ABLIM2: variants seen among roughly 807,000 people sequenced by gnomAD.
ABLIM2 encodes the protein actin-binding LIM protein 2.
Under a neutral mutation model 97.7 loss-of-function variants are expected in ABLIM2, and 53 were observed. The ratio of observed to expected loss-of-function variants is 0.54; its 90% CI spans 0.44 to 0.68. ABLIM2 has a LOEUF of 0.68. Ranked by LOEUF, ABLIM2 falls within the 30% of genes least tolerant of loss-of-function variation. The probability of loss-of-function intolerance (pLI) is 0.00; values close to 1 mark genes in which losing one functional copy is unlikely to be tolerated. For synonymous variants in ABLIM2, 361 were observed against 345.8 expected (o/e 1.04, Z -0.49); for missense variants, 835 against 867.2 (o/e 0.96, Z 0.47).
rs1284221070 is a variant in ABLIM2 at position 8,077,627 on chromosome 4, C to T, written c.675+1G>A. On this transcript the variant is annotated splice_donor_variant, in intron 6 of 20. Coordinates refer to ENST00000447017, the MANE Select transcript of ABLIM2 (RefSeq NM_001130083.2). LOFTEE classifies it high-confidence loss of function. The stretch of plus-strand genomic sequence containing the variant: ...GCAGGGGCCCGGCCCGCCGCGCTTA[C>T]CTCCAGCACGCGCCCCGTGATGTAT... The T allele has an allele frequency of 1.2e-6, 2 of 1,608,690 alleles. No homozygotes were observed. The highest frequency in any genetic ancestry group is 1.7e-6 in the Non-Finnish European group (2 of 1,177,362).
At chr4:8,088,958 G>A (rs766900273) in intron 3 of ABLIM2, among the ~76,000 whole-genome samples, 8 of 152,202 alleles carry the variant, frequency 5.3e-5, no homozygotes, top group Non-Finnish European at 1.0e-4. Context: ...GTCTATAAAA[G>A]CACACCTCGT....
intron 1 of ABLIM2, among the ~76,000 whole-genome samples, chr4:8,110,370 G>T (rs111970575): frequency 6.6e-6 from 1 of 152,142 alleles, no homozygotes; most frequent in African/African-American, 2.4e-5. Context: ...GGGTCAGCTG[G>T]CCTGGGATGC....
chr4:8,046,185 G>A lies in ABLIM2; in HGVS notation c.823-944C>T, dbSNP rs1005495670. 2.6e-5 allele frequency among the ~76,000 whole-genome samples: 4 copies of A among 151,960 alleles called. No individual in the cohort carries two copies. Among genetic ancestry groups the A allele is most frequent in the Non-Finnish European group, 1.5e-5 (1 of 67,992 alleles). On this transcript the variant is annotated intron_variant, in intron 8 of 20. Coordinates refer to ENST00000447017, the MANE Select transcript of ABLIM2 (RefSeq NM_001130083.2). This position sits in a 1 kb window ranked among gnomAD's most constrained non-coding sequence, Gnocchi z 4.4. ...CACTCCTCCCTTCCGGACCACACCC[G>A]CTGTGTCCCCTGGGCTGATGGTTTT... is the stretch of plus-strand genomic sequence containing the variant.
chr4:8,083,663 T>C lies in ABLIM2; in HGVS notation c.455-2861A>G, dbSNP rs979566865. 2.0e-5 allele frequency among the ~76,000 whole-genome samples: 3 copies of C among 152,128 alleles called. No individual in the cohort carries two copies. Among genetic ancestry groups the C allele is most frequent in the South Asian group, 2.1e-4 (1 of 4,828 alleles). On this transcript the variant is annotated intron_variant, in intron 4 of 20. Transcript: ENST00000447017. The surrounding 1 kb of genome is among the most constrained non-coding windows in gnomAD (Gnocchi z 4.6). ...TTCTAAACACATCCGGAGCTCCACATTGCTTTGCGGGCTCTGCGCATGGCA... is the reference window on the plus strand; with the variant it reads ...TTCTAAACACATCCGGAGCTCCACACTGCTTTGCGGGCTCTGCGCATGGCA...
At chr4:8,063,313 C>G (rs901011453) in intron 6 of ABLIM2, among the ~76,000 whole-genome samples, 14 of 152,246 alleles carry the variant, frequency 9.2e-5, no homozygotes, top group Non-Finnish European at 1.8e-4. Flanking sequence ...GATCTGCCCC[C>G]CTTGGCTTCC....
At chr4:8,013,446 A>G (rs1188567128) in intron 14 of ABLIM2, among the ~76,000 whole-genome samples, 2 of 151,200 alleles carry the variant, frequency 1.3e-5, no homozygotes, top group Non-Finnish European at 2.9e-5. Context: ...CTGGTCTTGA[A>G]CTCCTGACCT....
rs1014963774 is a variant in ABLIM2 at position 8,023,851 on chromosome 4, T to A, written c.1268-3548A>T. Among the ~76,000 whole-genome samples, 1 of 152,208 alleles carries A rather than the reference T, an allele frequency of 6.6e-6. No homozygotes were observed. Among genetic ancestry groups the A allele is most frequent in the African/African-American group, 2.4e-5 (1 of 41,446 alleles). ...TTACAATCCAATGACACATCCTTCA[T>A]CGTGGTGCTCCCAGTGGCCCAGTGT... is the stretch of plus-strand genomic sequence containing the variant. On this transcript the variant is annotated intron_variant, in intron 12 of 20. Transcript: ENST00000447017. This position sits in a 1 kb window ranked among gnomAD's most constrained non-coding sequence, Gnocchi z 5.7.
intron 2 of ABLIM2, among the ~76,000 whole-genome samples, chr4:8,102,171 A>C (rs1834973791): frequency 6.6e-6 from 1 of 152,170 alleles, no homozygotes; most frequent in Non-Finnish European, 1.5e-5. Flanking sequence ...CCCCTTGGTC[A>C]TTCTGCTTCA....
intron 3 of ABLIM2, among the ~76,000 whole-genome samples, chr4:8,088,822 G>T (rs1825506919): frequency 6.6e-6 from 1 of 152,186 alleles, no homozygotes; most frequent in Non-Finnish European, 1.5e-5. Flanking sequence ...GTGAGAAACT[G>T]GAGTTCAGAG....
In ABLIM2 at chr4:8,095,419, T is replaced by G. The variant is rs1468136146; in HGVS notation, c.338+1680A>C. ...GTGCCCAGCCATCACCAGCAAGTTT[T>G]GATTGGACACTGAACACTTATAAAT... On this transcript the variant is annotated intron_variant, in intron 3 of 20. Transcript: ENST00000447017. The surrounding 1 kb of genome is among the most constrained non-coding windows in gnomAD (Gnocchi z 4.7). 2.6e-5 allele frequency among the ~76,000 whole-genome samples: 4 copies of G among 152,184 alleles called. No individual in the cohort carries two copies. Among genetic ancestry groups the G allele is most frequent in the Non-Finnish European group, 5.9e-5 (4 of 68,040 alleles).
At chr4:7,979,596 C>G (rs528555012) in intron 20 of ABLIM2, among the ~76,000 whole-genome samples, 35 of 152,236 alleles carry the variant, frequency 2.3e-4, no homozygotes, top group Non-Finnish European at 4.3e-4. Context: ...TTTTTCCTTA[C>G]CTACATTGTT....
At chr4:8,052,076 CT>C (rs746440046) in intron 8 of ABLIM2, among the ~76,000 whole-genome samples, 4 of 152,198 alleles carry the variant, frequency 2.6e-5, no homozygotes, top group Non-Finnish European at 5.9e-5. Context: ...ACTCTCCGCT[CT>C]TTAAGACTAC....
rs113461290 is a variant in ABLIM2, at chr4:8,148,119, C to A, written c.10+10561G>T. On this transcript the variant is annotated intron_variant, in intron 1 of 20. Transcript: ENST00000447017. This position sits in a 1 kb window ranked among gnomAD's most constrained non-coding sequence, Gnocchi z 6.7. The stretch of plus-strand genomic sequence containing the variant: ...AAACCCCTCACCAAAGCCCACCATG[C>A]GCACCTTCCCCGGCAGAGAAGGGGT... Among the ~76,000 whole-genome samples the A allele has an allele frequency of 6.6e-6, 1 of 152,174 alleles. No individual in the cohort carries two copies. Among genetic ancestry groups the A allele is most frequent in the South Asian group, 2.1e-4 (1 of 4,830 alleles).
At chr4:7,967,245 G>A (rs1003010890) in intron 20 of ABLIM2, 142 bp from the exon 21 acceptor site, 9 of 707,008 alleles carry the variant, frequency 1.3e-5, no homozygotes, top group South Asian at 3.2e-5. Flanking sequence ...GCCTCCTGGC[G>A]GTTCCTGACA....
chr4:8,018,972 A>G (rs1271679291), intron 14 of ABLIM2, among the ~76,000 whole-genome samples: 5 of 152,130 alleles, frequency 3.3e-5, no homozygotes, highest in African/African-American at 9.7e-5. Context: ...CCTGCTGTCA[A>G]TCACCCAGAA....
At position 8,095,524 on chromosome 4, in the gene ABLIM2, C is replaced by T. The variant is rs1454195592; in HGVS notation, c.338+1575G>A. Among the ~76,000 whole-genome samples the T allele has an allele frequency of 6.6e-6, 1 of 152,184 alleles. No individual in the cohort carries two copies. The highest frequency in any genetic ancestry group is 1.9e-4 in the East Asian group (1 of 5,206). ...TTTGCTCTGGCAGACAGTTTATTTG[C>T]AGATCAACATGATCTTTTTTAAAAA... On this transcript the variant is annotated intron_variant, in intron 3 of 20. Transcript: ENST00000447017. This position sits in a 1 kb window ranked among gnomAD's most constrained non-coding sequence, Gnocchi z 4.7.
In ABLIM2 at chr4:8,088,241, C is replaced by T. The variant is rs865830221; in HGVS notation, c.382G>A (p.Glu128Lys). Residue 128 changes from glutamate to lysine, a missense_variant, in exon 4 of 21, where the codon GAA becomes AAA. Coordinates refer to ENST00000447017, the MANE Select transcript of ABLIM2 (RefSeq NM_001130083.2). The part of the protein sequence containing the change: ...PGDRVTFNGK[E>K]CMCQKCSLPV... ...AGGGAACACTTCTGGCACATGCATT[C>T]CTTCCCGTTGAAGGTCACTCGGTCC... 1.2e-6 allele frequency: 2 copies of T among 1,613,008 alleles called. No individual in the cohort carries two copies. Among genetic ancestry groups the T allele is most frequent in the African/African-American group, 2.7e-5 (2 of 74,740 alleles).
intron 5 of ABLIM2, among the ~76,000 whole-genome samples, chr4:8,080,215 G>A (rs1818902588): frequency 6.6e-6 from 1 of 152,192 alleles, no homozygotes; most frequent in South Asian, 2.1e-4. Flanking sequence ...CGTGGCTGTG[G>A]GGCCCCAGCC....
chr4:8,000,873 G>A (rs967161735), intron 16 of ABLIM2, among the ~76,000 whole-genome samples: 15 of 151,864 alleles, frequency 9.9e-5, no homozygotes, highest in African/African-American at 3.6e-4. Flanking sequence ...CCTGTTCTCT[G>A]CGGGTCTGTC....
Sources: allele counts gnomAD v4.1 joint callset (sites outside exome capture counted in the v4.1 genomes callset), GRCh38; gene constraint gnomAD v4.1.1; non-coding constraint Gnocchi (gnomAD v3.1); transcripts MANE v1.5; gene names NCBI Gene and HGNC (gene_info 2026-07-23, HGNC 2026-07-21).